IMMP2L: variants seen among roughly 807,000 people sequenced by gnomAD.
The protein encoded by IMMP2L is inner mitochondrial membrane peptidase subunit 2.
IMMP2L carries 18 observed loss-of-function variants against 19.3 expected under a neutral mutation model. The observed-to-expected ratio is 0.93, with a 90% CI of 0.64 to 1.38. The LOEUF is 1.38. IMMP2L is among the 40% of genes most tolerant of loss of function. The probability of loss-of-function intolerance (pLI) is 0.00; values close to 1 mark genes in which losing one functional copy is unlikely to be tolerated. For synonymous variants in IMMP2L, 76 were observed against 73.0 expected, an observed-to-expected ratio of 1.04 and a Z score of -0.21; for missense variants, 233 against 218.2, an observed-to-expected ratio of 1.07 and a Z score of -0.43.
intron 1 of IMMP2L, among the ~76,000 whole-genome samples, chr7:111,534,964 G>C (rs1352990085): frequency 6.6e-6 from 1 of 152,132 alleles, no homozygotes; most frequent in Non-Finnish European, 1.5e-5. Context: ...ATGACTTTAA[G>C]GACCTACAAC....
At chr7:111,196,922 A>G (rs1194872722) in intron 3 of IMMP2L, among the ~76,000 whole-genome samples, 3 of 152,178 alleles carry the variant, frequency 2.0e-5, no homozygotes, top group Non-Finnish European at 4.4e-5. Context: ...GCTGTGCAGT[A>G]TTTCGCTGAA....
At chr7:111,233,298 TATAA>T (rs1363870250) in intron 3 of IMMP2L, among the ~76,000 whole-genome samples, 3 of 152,146 alleles carry the variant, frequency 2.0e-5, no homozygotes, top group Admixed American at 6.6e-5. Context: ...ACTTTTTGTA[TATAA>T]ATAAATGTGA....
intron 3 of IMMP2L, among the ~76,000 whole-genome samples, chr7:111,324,940 G>T (rs770388914): frequency 2.4e-4 from 36 of 151,668 alleles, no homozygotes; most frequent in Non-Finnish European, 4.9e-4. Flanking sequence ...AGATAAGTCT[G>T]CCACATCCAT....
At chr7:111,214,225 G>T (rs1467406957) in intron 3 of IMMP2L, among the ~76,000 whole-genome samples, 1 of 150,246 alleles carries the variant, frequency 6.7e-6, no homozygotes, top group African/African-American at 2.4e-5. Flanking sequence ...ACTAAAATTA[G>T]AGAAATAAAA....
chr7:111,167,141 A>G (rs1355271465), intron 3 of IMMP2L, among the ~76,000 whole-genome samples: 1 of 151,820 alleles, frequency 6.6e-6, no homozygotes, highest in Non-Finnish European at 1.5e-5. Flanking sequence ...CTTATTTACC[A>G]CTTTACAATT....
intron 4 of IMMP2L, among the ~76,000 whole-genome samples, chr7:110,889,836 T>A (rs1290115265): frequency 6.6e-6 from 1 of 152,212 alleles, no homozygotes; most frequent in African/African-American, 2.4e-5. Flanking sequence ...GCTGGGCAAG[T>A]AACAATACCT....
chr7:110,816,503 T>C (rs2131303824), intron 5 of IMMP2L, among the ~76,000 whole-genome samples: 1 of 151,844 alleles, frequency 6.6e-6, no homozygotes, highest in Admixed American at 6.6e-5. Context: ...AGAGCTGAGT[T>C]CAATTCCTGG....
intron 3 of IMMP2L, among the ~76,000 whole-genome samples, chr7:111,058,875 A>AT (rs1410181206): frequency 3.3e-5 from 5 of 151,998 alleles, no homozygotes; most frequent in African/African-American, 1.2e-4. Flanking sequence ...CATTATCTTG[A>AT]TTTTTCTTTA....
intron 3 of IMMP2L, among the ~76,000 whole-genome samples, chr7:111,168,340 G>A (rs1396761526): frequency 6.6e-6 from 1 of 151,108 alleles, no homozygotes; most frequent in Non-Finnish European, 1.5e-5. Flanking sequence ...AACTCATTTA[G>A]CTGGAAAACC....
intron 3 of IMMP2L, among the ~76,000 whole-genome samples, chr7:111,436,518 CACAT>C (rs775149213): frequency 1.8e-4 from 27 of 151,450 alleles, no homozygotes; most frequent in Non-Finnish European, 2.9e-4. Flanking sequence ...CTTACACACA[CACAT>C]ACACACACAC....
At chr7:111,533,625 T>C (rs1222835513) in intron 1 of IMMP2L, among the ~76,000 whole-genome samples, 2 of 152,196 alleles carry the variant, frequency 1.3e-5, no homozygotes, top group Non-Finnish European at 2.9e-5. Flanking sequence ...TAACAAGTTA[T>C]GTTGAAACAA....
intron 3 of IMMP2L, among the ~76,000 whole-genome samples, chr7:111,339,453 T>C (rs528828004): frequency 6.6e-6 from 1 of 151,974 alleles, no homozygotes; most frequent in Admixed American, 6.6e-5. Context: ...ATACCCTACA[T>C]AAATATATAG....
chr7:110,772,169 T>C (rs1166583787), intron 5 of IMMP2L, among the ~76,000 whole-genome samples: 1 of 152,088 alleles, frequency 6.6e-6, no homozygotes, highest in Non-Finnish European at 1.5e-5. Flanking sequence ...ATGGAATAAA[T>C]CTTCCCAATG....
At chr7:111,203,679 ATTC>A (rs1810401724) in intron 3 of IMMP2L, among the ~76,000 whole-genome samples, 1 of 151,734 alleles carries the variant, frequency 6.6e-6, no homozygotes, top group Admixed American at 6.6e-5. Flanking sequence ...AGGTAAAATA[ATTC>A]TTCTTTGCCT....
At chr7:111,313,162 T>C (rs1823696381) in intron 3 of IMMP2L, among the ~76,000 whole-genome samples, 1 of 152,184 alleles carries the variant, frequency 6.6e-6, no homozygotes, top group African/African-American at 2.4e-5. Context: ...ATGCCAACAC[T>C]AATGCTTCTG....
chr7:111,001,039 G>A (rs1483597444), intron 3 of IMMP2L, among the ~76,000 whole-genome samples: 1 of 152,138 alleles, frequency 6.6e-6, no homozygotes, highest in East Asian at 1.9e-4. Flanking sequence ...CAATGATACT[G>A]ATTGGCCATT....
At chr7:110,798,217 TTAAC>T (rs1562982146) in intron 5 of IMMP2L, among the ~76,000 whole-genome samples, 2 of 151,954 alleles carry the variant, frequency 1.3e-5, no homozygotes, top group South Asian at 2.1e-4. Flanking sequence ...GGCACTGTGA[TTAAC>T]TAATTCAAAC....
intron 3 of IMMP2L, among the ~76,000 whole-genome samples, chr7:111,115,481 C>T (rs1185085824): frequency 1.3e-5 from 2 of 151,848 alleles, no homozygotes; most frequent in African/African-American, 4.8e-5. Flanking sequence ...ATGACTACCC[C>T]AATATGAAAT....
intron 5 of IMMP2L, among the ~76,000 whole-genome samples, chr7:110,795,413 C>T (rs1028741189): frequency 2.0e-5 from 3 of 151,978 alleles, no homozygotes; most frequent in Admixed American, 6.6e-5. Context: ...GCAAGTGGGC[C>T]AGAAACAAGC....
Sources: gnomAD v4.1 joint callset for allele counts (sites outside exome capture counted in the v4.1 genomes callset) on GRCh38, gnomAD v4.1.1 for gene constraint, MANE v1.5 for transcripts, NCBI Gene and HGNC (gene_info 2026-07-23, HGNC 2026-07-21) for gene names.